The following OTOGL variants were observed in gnomAD, a reference collection of about 807,000 sequenced individuals.
OTOGL encodes the protein otogelin like.
In OTOGL, 285 loss-of-function variants were observed where a neutral mutation model predicts 318.5. The observed-to-expected ratio is 0.89, with a 90% CI of 0.81 to 0.99. The LOEUF is 0.99. Among genes scored for constraint, OTOGL ranks in the 50% least tolerant of loss-of-function variants. The pLI, the probability that OTOGL is intolerant of heterozygous loss-of-function variation, is 0.00. For missense variants in OTOGL, 2,899 were observed against 2,845.6 expected, an observed-to-expected ratio of 1.02 and a Z score of -0.43; for synonymous variants, 987 against 936.5, an observed-to-expected ratio of 1.05 and a Z score of -0.99.
At chr12:80,270,845 A>G (rs985042535) in intron 23 of OTOGL, among the ~76,000 whole-genome samples, 1 of 152,136 alleles carries the variant, frequency 6.6e-6, no homozygotes, top group Admixed American at 6.6e-5. Context: ...CTATGGGCAA[A>G]TTCTAGGCAC....
intron 44 of OTOGL, among the ~76,000 whole-genome samples, chr12:80,347,905 C>T (rs59992475): frequency 0.038 from 5,845 of 152,084 alleles, 254 homozygotes; most frequent in East Asian, 0.17. Flanking sequence ...GTTTGTTGGC[C>T]GCATAAATGT....
At chr12:80,130,701 G>C (rs1435179598) in intron 1 of OTOGL, among the ~76,000 whole-genome samples, 1 of 152,176 alleles carries the variant, frequency 6.6e-6, no homozygotes, top group Non-Finnish European at 1.5e-5. Context: ...ACACCAAAGA[G>C]GGGGGCAAAT....
At chr12:80,373,928 G>A (rs1247118096) in intron 57 of OTOGL, among the ~76,000 whole-genome samples, 1 of 152,068 alleles carries the variant, frequency 6.6e-6, no homozygotes, top group East Asian at 1.9e-4. Flanking sequence ...TGCTGAAGTG[G>A]CAGGGCTAGA....
At position 80,314,332 on chromosome 12, in the gene OTOGL, G is replaced by T; in HGVS notation, c.3634+1G>T. The T allele has an allele frequency of 9.6e-7, 1 of 1,045,086 alleles. No homozygotes were observed. Among genetic ancestry groups the T allele is most frequent in the South Asian group, 2.9e-5 (1 of 34,696 alleles). The allele number at this position is 1,045,086 out of a possible 1,614,324, so 64.7% of individuals were successfully genotyped here. Reference sequence around the variant, plus strand: ...CTTGATTGTGAATACTACAATGAAGGTATGTGACATTCAAATTAAAAATAT... The same window carrying T: ...CTTGATTGTGAATACTACAATGAAGTTATGTGACATTCAAATTAAAAATAT... On this transcript the variant is annotated splice_donor_variant, in intron 32 of 58. Transcript: ENST00000547103. LOFTEE classifies it high-confidence loss of function.
At chr12:80,126,154 C>T (rs1293063002) in intron 1 of OTOGL, among the ~76,000 whole-genome samples, 1 of 152,052 alleles carries the variant, frequency 6.6e-6, no homozygotes, top group Admixed American at 6.6e-5. Context: ...TTAGATCTTT[C>T]CTGCTTTCTC....
In OTOGL at chr12:80,355,224, C is replaced by CTTT. The variant is rs11343611; in HGVS notation, c.5594-510_5594-508dup. Among the ~76,000 whole-genome samples the CTTT allele has an allele frequency of 1.0e-3, 67 of 65,610 alleles. 7 individuals are homozygous for CTTT. Among genetic ancestry groups the CTTT allele is most frequent in the Non-Finnish European group, 1.4e-3 (47 of 33,716 alleles). 43.0% of individuals were successfully genotyped at this position (65,610 alleles called of 152,430 possible). On this transcript the variant is annotated intron_variant, in intron 46 of 58. Transcript: ENST00000547103. ...ACTTTTTTCTTTTCTTTCTTTCTTT[C>CTTT]TTTTCTTTTTTTTTTTTTTTTTTTG...
chr12:80,184,135 T>G (rs1875122588), intron 1 of OTOGL, among the ~76,000 whole-genome samples: 1 of 152,180 alleles, frequency 6.6e-6, no homozygotes, highest in South Asian at 2.1e-4. Flanking sequence ...TGGCCTTGCA[T>G]TTCCGTTTCC....
chr12:80,271,574 A>G, intron 23 of OTOGL, 74 bp from the exon 24 acceptor site: 13 of 1,398,080 alleles, frequency 9.3e-6, no homozygotes, highest in Non-Finnish European at 1.3e-5. Flanking sequence ...AACCTATTTT[A>G]TGAATTTTGG....
intron 1 of OTOGL, among the ~76,000 whole-genome samples, chr12:80,122,881 ATTTTATTTTTATTT>A (rs1001669469): frequency 6.8e-6 from 1 of 146,994 alleles, no homozygotes; most frequent in Middle Eastern, 3.5e-3. Context: ...TGCACTCTGG[ATTTTATTTTTATTT>A]TTTTATTTTT....
At chr12:80,376,452 C>A (rs940160925) in intron 57 of OTOGL, among the ~76,000 whole-genome samples, 9 of 152,118 alleles carry the variant, frequency 5.9e-5, no homozygotes, top group African/African-American at 2.2e-4. Context: ...TATTATACAT[C>A]ATTAAATATA....
intron 6 of OTOGL, among the ~76,000 whole-genome samples, chr12:80,221,742 ACAT>A (rs776672671): frequency 1.3e-5 from 2 of 152,166 alleles, no homozygotes; most frequent in Non-Finnish European, 2.9e-5. Context: ...CTCAGTGGTG[ACAT>A]TTCTCTTTTT....
intron 27 of OTOGL, among the ~76,000 whole-genome samples, chr12:80,300,391 C>A: frequency 6.6e-6 from 1 of 151,920 alleles, no homozygotes; most frequent in East Asian, 1.9e-4. Flanking sequence ...TAGCAGTGGT[C>A]TCTGGGTGGC....
At chr12:80,188,703 T>A (rs2137256223) in intron 1 of OTOGL, among the ~76,000 whole-genome samples, 1 of 152,190 alleles carries the variant, frequency 6.6e-6, no homozygotes, top group African/African-American at 2.4e-5. Context: ...TATTTGTATG[T>A]GAATTTGCAA....
chr12:80,233,086 T>A lies in OTOGL; in HGVS notation c.806T>A (p.Ile269Lys), dbSNP rs1373931170. The A allele has an allele frequency of 6.3e-7, 1 of 1,592,464 alleles. No individual in the cohort carries two copies. Among genetic ancestry groups the A allele is most frequent in the Non-Finnish European group, 8.5e-7 (1 of 1,173,744 alleles). The change falls in exon 9 of 59, where the codon ATA becomes AAA. Residue 269 changes from isoleucine (I) to lysine (K), a missense_variant. Around this residue, in one of 3 missense-constraint regions of OTOGL, gnomAD observed 2,607 missense variants for 2,524.9 expected, o/e 1.03. Transcript: ENST00000547103. ...NYNDIQSDDF[I>K]ILQEDYTEDI... ...AATGACATTCAATCTGATGATTTCATAATTCTGCAAGGTAAGTGAAGCAGA... is the reference window on the plus strand; with the variant it reads ...AATGACATTCAATCTGATGATTTCAAAATTCTGCAAGGTAAGTGAAGCAGA...
At position 80,265,025 on chromosome 12, in the gene OTOGL, T is replaced by C. The variant is rs1478838374; in HGVS notation, c.2039T>C (p.Val680Ala). ...QNIGYAAHCD[V>A]IHQELFAPCH... ...GTTGGGTATGCAGCACACTGTGATG[T>C]CATCCACCAGGAGCTCTTTGCTCCT... The change falls in exon 20 of 59, where the codon GTC becomes GCC. Residue 680 changes from valine (V) to alanine (A), a missense_variant. Val to Ala is a moderately conservative substitution (Grantham distance 64). Around this residue, in one of 3 missense-constraint regions of OTOGL, gnomAD observed 2,607 missense variants for 2,524.9 expected, o/e 1.03. Coordinates refer to ENST00000547103, the MANE Select transcript of OTOGL (RefSeq NM_001378609.3). The C allele has an allele frequency of 2.5e-6, 4 of 1,613,796 alleles. No homozygotes were observed.
chr12:80,117,126 G>A (rs1262179439), intron 1 of OTOGL, among the ~76,000 whole-genome samples: 1 of 152,128 alleles, frequency 6.6e-6, no homozygotes, highest in Non-Finnish European at 1.5e-5. Flanking sequence ...AATGGCTCAA[G>A]AGACAAATGG....
intron 1 of OTOGL, among the ~76,000 whole-genome samples, chr12:80,119,378 C>A (rs780767803): frequency 1.3e-5 from 2 of 152,178 alleles, no homozygotes; most frequent in Admixed American, 6.5e-5. Flanking sequence ...GGTCTCCTTG[C>A]CCCTAAATTC....
intron 1 of OTOGL, among the ~76,000 whole-genome samples, chr12:80,104,349 C>T (rs1022581041): frequency 1.3e-5 from 2 of 152,200 alleles, no homozygotes; most frequent in Non-Finnish European, 2.9e-5. Flanking sequence ...TTCCATTTCT[C>T]AACCCTTATT....
rs1425916990 is a variant in OTOGL, at chr12:80,363,619, A to AT, written c.6268-2953dup. Among the ~76,000 whole-genome samples the AT allele has an allele frequency of 8.5e-5, 13 of 152,196 alleles. No homozygotes were observed. The East Asian group carries it at 9.6e-4, about 11-fold the overall frequency. On this transcript the variant is annotated intron_variant, in intron 52 of 58. Coordinates refer to ENST00000547103, the MANE Select transcript of OTOGL (RefSeq NM_001378609.3). ...AAGTCTTGCACACCAAGAATCCAAGATTACTAGGTCCTTGGACAAACATTA... is the reference window on the plus strand; with the variant it reads ...AAGTCTTGCACACCAAGAATCCAAGATTTACTAGGTCCTTGGACAAACATTA...
Sources: allele counts gnomAD v4.1 joint callset (sites outside exome capture counted in the v4.1 genomes callset), GRCh38; gene constraint gnomAD v4.1.1; regional missense constraint gnomAD v4.1.1; transcripts MANE v1.5; gene names NCBI Gene and HGNC (gene_info 2026-07-23, HGNC 2026-07-21).